The following USP34 variants were observed in gnomAD, a reference collection of about 807,000 sequenced individuals.
USP34 encodes the protein ubiquitin specific peptidase 34, also known as ubiquitin carboxyl-terminal hydrolase 34.
Under a neutral mutation model 460.3 loss-of-function variants are expected in USP34, and 70 were observed. The observed-to-expected ratio is 0.15, with a 90% CI of 0.13 to 0.19. USP34 has a LOEUF of 0.19. USP34 is among the 10% of genes least tolerant of loss of function. The probability of loss-of-function intolerance (pLI) is 1.00; values close to 1 mark genes in which losing one functional copy is unlikely to be tolerated. For missense variants in USP34, 3,985 were observed against 4,236.2 expected (o/e 0.94, Z 1.65); for synonymous variants, 1,647 against 1,405.3 (o/e 1.17, Z -3.85).
chr2:61,281,204 C>T lies in USP34; in HGVS notation c.5037G>A (p.Lys1679=). ...VRHESCSGLY[K]LSLSGLDGGD... is the part of the protein sequence containing the mutation. ...CTCCATCCAGCCCTGACAGGGATAACTTATAGAGACCACTGCATGATTCAT... is the reference window on the plus strand; with the variant it reads ...CTCCATCCAGCCCTGACAGGGATAATTTATAGAGACCACTGCATGATTCAT... The change falls in exon 38 of 80, where the codon AAG becomes AAA. Residue 1679 remains lysine (K), a synonymous_variant. Transcript: ENST00000398571. The T allele has an allele frequency of 6.2e-7, 1 of 1,613,990 alleles. No homozygotes were observed. Among genetic ancestry groups the T allele is most frequent in the South Asian group, 1.1e-5 (1 of 91,058 alleles).
chr2:61,443,243 TAAC>T (rs1695016721), intron 1 of USP34, among the ~76,000 whole-genome samples: 1 of 152,044 alleles, frequency 6.6e-6, no homozygotes, highest in African/African-American at 2.4e-5. Context: ...TGACTACAGT[TAAC>T]AATAATACAT....
chr2:61,271,364 A>G (rs750706904), intron 41 of USP34, among the ~76,000 whole-genome samples: 3 of 152,204 alleles, frequency 2.0e-5, no homozygotes, highest in African/African-American at 7.2e-5. Flanking sequence ...TCTCTTTTTA[A>G]TAACTATTAT....
chr2:61,264,416 T>A (rs966800569), intron 43 of USP34, among the ~76,000 whole-genome samples: 2 of 152,134 alleles, frequency 1.3e-5, no homozygotes, highest in African/African-American at 4.8e-5. Flanking sequence ...TAGAAGCATC[T>A]TGTAAGCCCA....
At chr2:61,272,000 T>C (rs1203412386) in intron 41 of USP34, among the ~76,000 whole-genome samples, 1 of 152,206 alleles carries the variant, frequency 6.6e-6, no homozygotes, top group Non-Finnish European at 1.5e-5. Context: ...ATTTCAAATT[T>C]AACATTTCCA....
At chr2:61,463,652 G>T (rs1481672727) in intron 1 of USP34, among the ~76,000 whole-genome samples, 1 of 152,038 alleles carries the variant, frequency 6.6e-6, no homozygotes, top group Non-Finnish European at 1.5e-5. Context: ...TGGCCAACAT[G>T]GTGAAACCCC....
intron 27 of USP34, among the ~76,000 whole-genome samples, chr2:61,311,233 C>A (rs1314740288): frequency 6.6e-6 from 1 of 152,118 alleles, no homozygotes; most frequent in African/African-American, 2.4e-5. Context: ...TGGAGGGAGT[C>A]TGTTCATTTT....
chr2:61,456,678 C>G (rs536221207), intron 1 of USP34, among the ~76,000 whole-genome samples: 3 of 151,800 alleles, frequency 2.0e-5, no homozygotes, highest in Non-Finnish European at 4.4e-5. Context: ...AATGGCCAGG[C>G]ATGGTGGTTC....
chr2:61,410,054 G>A (rs2103945890), intron 2 of USP34, among the ~76,000 whole-genome samples: 1 of 152,062 alleles, frequency 6.6e-6, no homozygotes, highest in East Asian at 1.9e-4. Flanking sequence ...CAACCTTTTT[G>A]GCAACAGGGA....
chr2:61,295,096 AGAC>A, intron 31 of USP34, 64 bp from the exon 32 acceptor site: 2 of 1,599,260 alleles, frequency 1.3e-6, no homozygotes, highest in Non-Finnish European at 1.7e-6. Context: ...AGAATGGAAA[AGAC>A]AATACATTAT....
At chr2:61,230,713 G>A (rs1407390785) in intron 58 of USP34, among the ~76,000 whole-genome samples, 1 of 151,700 alleles carries the variant, frequency 6.6e-6, no homozygotes, top group East Asian at 1.9e-4. Context: ...GCACGGTGGT[G>A]CGCGCCTGTA....
At chr2:61,399,874 C>CCAAAAAAAAAAAA (rs1693658071) in intron 3 of USP34, among the ~76,000 whole-genome samples, 6 of 69,980 alleles carry the variant, frequency 8.6e-5, no homozygotes, top group African/African-American at 2.3e-4. Context: ...CACTGTCTCC[C>CCAAAAAAAAAAAA]AAAAAAAAAA....
At chr2:61,192,553 CAG>C (rs1039261003) in intron 76 of USP34, among the ~76,000 whole-genome samples, 5 of 152,212 alleles carry the variant, frequency 3.3e-5, no homozygotes, top group African/African-American at 4.8e-5. Context: ...GAGGTAGAGA[CAG>C]GGAGGTGAAG....
intron 61 of USP34, 137 bp from the exon 62 acceptor site, chr2:61,227,355 C>A: frequency 1.1e-6 from 1 of 942,568 alleles, no homozygotes; most frequent in Non-Finnish European, 1.6e-6. Context: ...AAGACCTAAA[C>A]CTAATGTAAA....
chr2:61,272,900 T>G (rs777859651), intron 41 of USP34, among the ~76,000 whole-genome samples: 9 of 152,162 alleles, frequency 5.9e-5, no homozygotes, highest in Non-Finnish European at 1.3e-4. Context: ...GACATGAGTC[T>G]GCTTGGGGAA....
At chr2:61,456,204 C>A (rs1468889375) in intron 1 of USP34, among the ~76,000 whole-genome samples, 1 of 152,156 alleles carries the variant, frequency 6.6e-6, no homozygotes, top group African/African-American at 2.4e-5. Context: ...GGCTTACTGC[C>A]CAGAAGCAAT....
chr2:61,283,600 A>T (rs200847464), intron 35 of USP34, 151 bp from the exon 36 acceptor site: 1 of 599,902 alleles, frequency 1.7e-6, no homozygotes, highest in Non-Finnish European at 2.7e-6. Flanking sequence ...TGAGAGTGAG[A>T]GAGAGTGTGA....
intron 1 of USP34, among the ~76,000 whole-genome samples, chr2:61,461,847 A>C (rs1191356989): frequency 6.6e-6 from 1 of 152,232 alleles, no homozygotes; most frequent in Non-Finnish European, 1.5e-5. Context: ...TGTAGATAAA[A>C]GATTTAAGTA....
chr2:61,251,355 GTT>G, intron 48 of USP34, among the ~76,000 whole-genome samples: 1 of 152,256 alleles, frequency 6.6e-6, no homozygotes, highest in South Asian at 2.1e-4. Flanking sequence ...ACTTTAAAGA[GTT>G]TGTTCAAAAT....
intron 10 of USP34, among the ~76,000 whole-genome samples, chr2:61,352,416 T>C (rs147323100): frequency 1.3e-5 from 2 of 152,050 alleles, no homozygotes; most frequent in East Asian, 1.9e-4. Flanking sequence ...ATTTCCATAA[T>C]ATACTTAATT....
Sources: allele counts gnomAD v4.1 joint callset (sites outside exome capture counted in the v4.1 genomes callset), GRCh38; gene constraint gnomAD v4.1.1; transcripts MANE v1.5; gene names NCBI Gene and HGNC (gene_info 2026-07-23, HGNC 2026-07-21).